Variants in NELL1 observed in about 807,000 individuals in gnomAD.
The protein encoded by NELL1 is neural EGFL like 1, also known as protein kinase C-binding protein NELL1.
A neutral mutation model predicts 107.4 loss-of-function variants in NELL1; 76 were observed. The observed-to-expected ratio is 0.71, with a 90% CI of 0.59 to 0.86. NELL1 has a LOEUF of 0.86. Among genes scored for constraint, NELL1 ranks in the 40% least tolerant of loss-of-function variants. The pLI, the probability that NELL1 is intolerant of heterozygous loss-of-function variation, is 0.00. For synonymous variants in NELL1, 353 were observed against 341.2 expected (o/e 1.03, Z -0.38); for missense variants, 1,024 against 1,005.5 (o/e 1.02, Z -0.25).
rs75534449 is a variant in NELL1, at chr11:21,313,997, C to A, written c.1550-56856C>A. On this transcript the variant is annotated intron_variant, in intron 14 of 19. Coordinates refer to ENST00000357134, the MANE Select transcript of NELL1 (RefSeq NM_006157.5). ...GTGTATGGAACCTACACTCTGCCCC[C>A]CCCCCCCCCCCCGCGACCCCCACTT... Among the ~76,000 whole-genome samples the A allele has an allele frequency of 8.3e-3, 126 of 15,220 alleles. 2 individuals carry two copies. Among genetic ancestry groups the A allele is most frequent in the African/African-American group, 0.039 (118 of 3,018 alleles). 10.0% of individuals were successfully genotyped at this position (15,220 alleles called of 152,430 possible). A position where few individuals can be genotyped will look rare whatever the true frequency, so the allele number is the denominator to read the frequency against.
At chr11:21,409,960 A>AT (rs1852335853) in intron 15 of NELL1, among the ~76,000 whole-genome samples, 1 of 152,100 alleles carries the variant, frequency 6.6e-6, no homozygotes, top group African/African-American at 2.4e-5. Flanking sequence ...AATGAGTTTA[A>AT]ATTTTTTTAA....
rs556708012 is a variant in NELL1 at position 21,492,643 on chromosome 11, G to T, written c.1646-41731G>T. The stretch of plus-strand genomic sequence containing the variant: ...CATCATTCTCAGTAAACTATCGCAA[G>T]GACAAAAAACCAAACACTGCATGTT... On this transcript the variant is annotated intron_variant, in intron 15 of 19. Transcript: ENST00000357134. Among the ~76,000 whole-genome samples, 197 of 150,292 alleles carry T rather than the reference G, an allele frequency of 1.3e-3. 2 individuals carry two copies. The highest frequency in any genetic ancestry group is 4.7e-3 in the African/African-American group (191 of 40,878).
chr11:20,752,137 A>G (rs1206758983), intron 2 of NELL1, among the ~76,000 whole-genome samples: 1 of 144,180 alleles, frequency 6.9e-6, no homozygotes, highest in Non-Finnish European at 1.5e-5. Flanking sequence ...TTTTTATTCC[A>G]ATTTTAGTTG....
At chr11:20,848,241 G>C (rs182307754) in intron 4 of NELL1, among the ~76,000 whole-genome samples, 3 of 152,128 alleles carry the variant, frequency 2.0e-5, no homozygotes, top group Non-Finnish European at 4.4e-5. Context: ...TCTTAAAGAG[G>C]CTGTTCTCTG....
intron 12 of NELL1, among the ~76,000 whole-genome samples, chr11:21,023,530 ATATT>A (rs1852748000): frequency 6.6e-6 from 1 of 151,948 alleles, no homozygotes. Flanking sequence ...TCTAATGTGC[ATATT>A]TATTATTTTT....
chr11:21,325,801 C>A (rs1213964469), intron 14 of NELL1, among the ~76,000 whole-genome samples: 2 of 151,964 alleles, frequency 1.3e-5, no homozygotes, highest in Non-Finnish European at 2.9e-5. Flanking sequence ...TCCATCAATT[C>A]TCAGCCACAG....
chr11:21,007,462 G>A (rs1852354369), intron 12 of NELL1, among the ~76,000 whole-genome samples: 1 of 152,028 alleles, frequency 6.6e-6, no homozygotes, highest in South Asian at 2.1e-4. Flanking sequence ...GAAATGATTG[G>A]GATGAAAGTT....
intron 12 of NELL1, among the ~76,000 whole-genome samples, chr11:20,974,045 A>C (rs1291049666): frequency 6.6e-6 from 1 of 152,234 alleles, no homozygotes; most frequent in Non-Finnish European, 1.5e-5. Flanking sequence ...CTCGGGAGGA[A>C]GGAATGGAAA....
At chr11:21,075,248 C>T (rs1169365059) in intron 12 of NELL1, among the ~76,000 whole-genome samples, 1 of 152,172 alleles carries the variant, frequency 6.6e-6, no homozygotes, top group Non-Finnish European at 1.5e-5. Flanking sequence ...CAATTAAAGA[C>T]AATCTGTGTT....
At chr11:20,926,322 A>G (rs180998995) in intron 7 of NELL1, among the ~76,000 whole-genome samples, 105 of 152,270 alleles carry the variant, frequency 6.9e-4, no homozygotes, top group Middle Eastern at 6.8e-3. Context: ...GCTTGGAATC[A>G]TATCATGAGG....
chr11:20,689,277 T>A (rs1446032274), intron 2 of NELL1, among the ~76,000 whole-genome samples: 1 of 150,456 alleles, frequency 6.6e-6, no homozygotes, highest in East Asian at 1.9e-4. Context: ...GCCCTTTTTT[T>A]ATTTTTTATT....
At chr11:21,035,091 A>T (rs1466452152) in intron 12 of NELL1, among the ~76,000 whole-genome samples, 3 of 152,266 alleles carry the variant, frequency 2.0e-5, no homozygotes, top group Admixed American at 2.0e-4. Flanking sequence ...AACAACCATT[A>T]GAGGAGTCTA....
chr11:21,134,948 G>A (rs917745412), intron 13 of NELL1, among the ~76,000 whole-genome samples: 1 of 152,128 alleles, frequency 6.6e-6, no homozygotes, highest in Non-Finnish European at 1.5e-5. Context: ...TATAACATAG[G>A]GTGGTTTTAA....
chr11:21,105,951 C>T (rs1373105336), intron 12 of NELL1, among the ~76,000 whole-genome samples: 2 of 132,846 alleles, frequency 1.5e-5, no homozygotes, highest in East Asian at 4.7e-4. Context: ...CTTCTTTCCT[C>T]CCTCCCTCTC....
chr11:20,884,951 G>A (rs527745341), intron 4 of NELL1, among the ~76,000 whole-genome samples: 22 of 152,094 alleles, frequency 1.4e-4, no homozygotes, highest in Non-Finnish European at 3.1e-4. Context: ...TTGTTTAAAG[G>A]GTTCTCTCAG....
chr11:21,169,987 G>T, intron 13 of NELL1: 1 of 1,325,636 alleles, frequency 7.5e-7, no homozygotes, highest in Admixed American at 1.7e-5. Flanking sequence ...GTGCAATGCG[G>T]GCTCCTCAGG....
intron 14 of NELL1, among the ~76,000 whole-genome samples, chr11:21,337,756 CTTT>C (rs1850446583): frequency 2.1e-5 from 3 of 141,860 alleles, no homozygotes; most frequent in Middle Eastern, 3.5e-3. Flanking sequence ...TTCTTTCTTT[CTTT>C]CTTTCTTTCT....
intron 17 of NELL1, among the ~76,000 whole-genome samples, chr11:21,566,287 G>A (rs1856971152): frequency 6.6e-6 from 1 of 151,322 alleles, no homozygotes; most frequent in Admixed American, 6.6e-5. Context: ...AAACTCTATG[G>A]CAGAAAAAAA....
chr11:20,679,421 T>G (rs959087302), intron 2 of NELL1, among the ~76,000 whole-genome samples: 1 of 152,152 alleles, frequency 6.6e-6, no homozygotes, highest in Non-Finnish European at 1.5e-5. Flanking sequence ...ACCAACATAA[T>G]AGAATGAGAT....
Sources: gnomAD v4.1 joint callset for allele counts (sites outside exome capture counted in the v4.1 genomes callset) on GRCh38, gnomAD v4.1.1 for gene constraint, MANE v1.5 for transcripts, NCBI Gene and HGNC (gene_info 2026-07-23, HGNC 2026-07-21) for gene names.